The following SFTPD variants were observed in gnomAD, a reference collection of about 807,000 sequenced individuals.
SFTPD encodes the protein surfactant protein D.
In SFTPD, 18 loss-of-function variants were observed where a neutral mutation model predicts 34.6. That is an observed-to-expected ratio of 0.52 (90% CI 0.36 to 0.77). The LOEUF is 0.77. SFTPD is among the 30% of genes least tolerant of loss of function. SFTPD has a pLI of 0.00. For missense variants in SFTPD, 433 were observed against 468.9 expected, an observed-to-expected ratio of 0.92 and a Z score of 0.71; for synonymous variants, 155 against 180.9, an observed-to-expected ratio of 0.86 and a Z score of 1.15.
intron 1 of SFTPD, among the ~76,000 whole-genome samples, chr10:79,962,496 T>G (rs1176077857): frequency 6.6e-6 from 1 of 152,102 alleles, no homozygotes; most frequent in Non-Finnish European, 1.5e-5. Context: ...ATGCATCCTA[T>G]TTTTTCCTTA....
chr10:79,966,929 A>G (rs1284785500), intron 1 of SFTPD, among the ~76,000 whole-genome samples: 5 of 147,494 alleles, frequency 3.4e-5, no homozygotes, highest in Admixed American at 2.0e-4. Context: ...CCTATTCAAC[A>G]TAGTGTTGGA....
intron 2 of SFTPD, among the ~76,000 whole-genome samples, 191 bp downstream of exon 2, chr10:79,946,270 G>T (rs1187948504): frequency 6.6e-6 from 1 of 152,192 alleles, no homozygotes; most frequent in African/African-American, 2.4e-5. Context: ...GCAGTTGGGT[G>T]CTGGAGGAGG....
At chr10:79,956,168 G>T (rs1013602362) in intron 1 of SFTPD, among the ~76,000 whole-genome samples, 2 of 152,158 alleles carry the variant, frequency 1.3e-5, no homozygotes, top group African/African-American at 4.8e-5. Context: ...ACCAAAATGG[G>T]GATGGAGCCA....
At chr10:79,942,681 G>A (rs2132495729) in intron 3 of SFTPD, 82 bp downstream of exon 3, 1 of 1,046,588 alleles carries the variant, frequency 9.6e-7, no homozygotes, top group Non-Finnish European at 1.5e-6. Flanking sequence ...TTCCTGGGAT[G>A]GGCTCTGTGC....
In SFTPD at chr10:79,954,490, T is replaced by C. The variant is rs576004711; in HGVS notation, c.37-7828A>G. ...ATTGCCATTGTCTGCAGGTGGGGTC[T>C]GCCTGCTGTCAGTATCTGCAGGTAT... On this transcript the variant is annotated intron_variant, in intron 1 of 5. Coordinates refer to the SFTPD transcript ENST00000444384. 6.6e-5 allele frequency among the ~76,000 whole-genome samples: 10 copies of C among 152,280 alleles called. No homozygotes were observed. The East Asian group carries it at 1.9e-3, about 29-fold the overall frequency.
intron 1 of SFTPD, chr10:79,968,750 A>C (rs1842818248): frequency 1.3e-5 from 2 of 152,174 alleles, no homozygotes; most frequent in Admixed American, 6.5e-5. Flanking sequence ...AAACATCCAG[A>C]CTGCTTTTCA....
At chr10:79,969,455 A>G (rs889805228) in intron 1 of SFTPD, 3 of 145,800 alleles carry the variant, frequency 2.1e-5, no homozygotes, top group Non-Finnish European at 4.5e-5. Flanking sequence ...GCCTAGGGGA[A>G]AGAGCAAAAC....
At chr10:79,944,180 TTCAC>T (rs2132498056) in intron 2 of SFTPD, among the ~76,000 whole-genome samples, 1 of 152,328 alleles carries the variant, frequency 6.6e-6, no homozygotes, top group Admixed American at 6.5e-5. Flanking sequence ...CCAGCTTCCA[TTCAC>T]TCACTCCATA....
intron 1 of SFTPD, among the ~76,000 whole-genome samples, chr10:79,974,099 T>G (rs1347647777): frequency 1.3e-5 from 2 of 152,238 alleles, no homozygotes; most frequent in Non-Finnish European, 2.9e-5. Context: ...AAAATTTATT[T>G]GACAGCATTA....
At chr10:79,974,733 G>A (rs541938272) in intron 1 of SFTPD, among the ~76,000 whole-genome samples, 6 of 152,238 alleles carry the variant, frequency 3.9e-5, no homozygotes, top group African/African-American at 1.4e-4. Context: ...ATACAGATGT[G>A]CCTACAGCTA....
At chr10:79,970,967 G>A (rs1022757124) in intron 1 of SFTPD, 1 of 152,096 alleles carries the variant, frequency 6.6e-6, no homozygotes, top group African/African-American at 2.4e-5. Context: ...AAATACTTCA[G>A]CTTTTCCCTA....
intron 1 of SFTPD, among the ~76,000 whole-genome samples, chr10:79,967,822 A>G (rs1842811337): frequency 6.6e-6 from 1 of 152,020 alleles, no homozygotes; most frequent in Non-Finnish European, 1.5e-5. Flanking sequence ...TACATTGTGA[A>G]ATTCCTTCTC....
At chr10:79,976,728 G>C (rs1465222670) in intron 1 of SFTPD, among the ~76,000 whole-genome samples, 1 of 152,156 alleles carries the variant, frequency 6.6e-6, no homozygotes, top group Non-Finnish European at 1.5e-5. Context: ...AGTGGCATGG[G>C]TCATTGGGTG....
chr10:79,972,447 A>G (rs11200977), intron 1 of SFTPD: 11,859 of 152,384 alleles, frequency 0.078, 906 homozygotes, highest in East Asian at 0.39. Flanking sequence ...TGCAGTGAGC[A>G]GAGATCACAC....
intron 1 of SFTPD, among the ~76,000 whole-genome samples, chr10:79,977,039 G>A (rs1273148778): frequency 6.6e-6 from 1 of 152,116 alleles, no homozygotes; most frequent in African/African-American, 2.4e-5. Context: ...CCCCAGACAC[G>A]TGGAACTGTA....
intron 1 of SFTPD, among the ~76,000 whole-genome samples, chr10:79,965,581 A>AT (rs1842799442): frequency 2.6e-5 from 1 of 37,966 alleles, no homozygotes; most frequent in African/African-American, 1.3e-4. Context: ...TTTTATTTTT[A>AT]ATGTTTTTTT....
intron 2 of SFTPD, among the ~76,000 whole-genome samples, chr10:79,946,259 G>A (rs1181896755): frequency 2.0e-5 from 3 of 152,152 alleles, no homozygotes; most frequent in Non-Finnish European, 4.4e-5. Context: ...GAGGAGCTAG[G>A]GCAGTTGGGT....
At chr10:79,939,174 A>G (rs1842587411) in intron 7 of SFTPD, among the ~76,000 whole-genome samples, 1 of 152,176 alleles carries the variant, frequency 6.6e-6, no homozygotes, top group Admixed American at 6.5e-5. Flanking sequence ...TCACAAAAGC[A>G]TTGCCTGTGT....
upstream of SFTPD, chr10:79,950,587 A>G (rs926441274): frequency 2.6e-5 from 4 of 152,170 alleles, no homozygotes; most frequent in African/African-American, 9.7e-5. Context: ...TAGATTAGAC[A>G]TTTCTCTCTT....
Sources: gnomAD v4.1 joint callset for allele counts (sites outside exome capture counted in the v4.1 genomes callset) on GRCh38, gnomAD v4.1.1 for gene constraint, MANE v1.5 for transcripts, NCBI Gene and HGNC (gene_info 2026-07-23, HGNC 2026-07-21) for gene names.